NELL1: variants seen among roughly 807,000 people sequenced by gnomAD.
NELL1 encodes the protein protein kinase C-binding protein NELL1.
NELL1 carries 76 observed loss-of-function variants against 107.4 expected under a neutral mutation model. That is an observed-to-expected ratio of 0.71 (90% CI 0.59 to 0.86). NELL1 has a LOEUF of 0.86. NELL1 is among the 40% of genes least tolerant of loss of function. The pLI is 0.00. For synonymous variants in NELL1, 353 were observed against 341.2 expected (o/e 1.03, Z -0.38); for missense variants, 1,024 against 1,005.5 (o/e 1.02, Z -0.25).
chr11:21,273,571 C>T (rs1013612416), intron 14 of NELL1, among the ~76,000 whole-genome samples: 3 of 152,042 alleles, frequency 2.0e-5, no homozygotes, highest in Admixed American at 6.6e-5. Flanking sequence ...AGATGCTCCT[C>T]GAGAAGAGCA....
At chr11:20,689,424 A>C (rs1047990027) in intron 2 of NELL1, among the ~76,000 whole-genome samples, 38 of 128,034 alleles carry the variant, frequency 3.0e-4, no homozygotes, top group Admixed American at 2.9e-3. Flanking sequence ...TCCTAATGCT[A>C]TCCCTCCCCC....
intron 14 of NELL1, among the ~76,000 whole-genome samples, chr11:21,370,538 TACTC>T (rs1180518810): frequency 6.6e-6 from 1 of 152,088 alleles, no homozygotes; most frequent in East Asian, 1.9e-4. Context: ...CCTTCCTAGT[TACTC>T]AATTTATTCT....
At chr11:21,520,105 A>G (rs1449355203) in intron 15 of NELL1, among the ~76,000 whole-genome samples, 1 of 152,158 alleles carries the variant, frequency 6.6e-6, no homozygotes, top group East Asian at 1.9e-4. Context: ...CACGCTGTCA[A>G]AGTAGCATGA....
intron 14 of NELL1, among the ~76,000 whole-genome samples, chr11:21,346,787 A>C (rs1850692602): frequency 6.6e-6 from 1 of 151,912 alleles, no homozygotes; most frequent in Admixed American, 6.6e-5. Context: ...TGCCATGTTC[A>C]CTGCTAAAAT....
intron 15 of NELL1, among the ~76,000 whole-genome samples, chr11:21,439,022 C>T (rs1489828234): frequency 1.3e-5 from 2 of 151,674 alleles, no homozygotes; most frequent in African/African-American, 4.8e-5. Context: ...GTAATCCCAT[C>T]AGGTAAAGCT....
intron 15 of NELL1, among the ~76,000 whole-genome samples, chr11:21,497,457 C>T (rs1006212182): frequency 2.0e-5 from 3 of 151,960 alleles, no homozygotes; most frequent in Non-Finnish European, 4.4e-5. Flanking sequence ...CTCTTATGAT[C>T]CAGAACTTGA....
At position 21,385,162 on chromosome 11, in the gene NELL1, C is replaced by G. The variant is rs114583100; in HGVS notation, c.1645+14214C>G. Among the ~76,000 whole-genome samples the G allele has an allele frequency of 7.5e-3, 1,140 of 151,884 alleles. 16 individuals carry two copies. The highest frequency in any genetic ancestry group is 0.026 in the African/African-American group (1,076 of 41,474). The stretch of plus-strand genomic sequence containing the variant: ...ATTGTTCTTCGGAGCCTTTATCACT[C>G]TCTGACACAATAGTACTTTTCGTAT... On this transcript the variant is annotated intron_variant, in intron 15 of 19. Transcript: ENST00000357134.
chr11:21,516,486 CAG>C (rs1422594100), intron 15 of NELL1, among the ~76,000 whole-genome samples: 2 of 152,060 alleles, frequency 1.3e-5, no homozygotes, highest in East Asian at 1.9e-4. Flanking sequence ...GTGCAAACAT[CAG>C]AGAGTACACT....
chr11:21,310,101 A>G (rs902824685), intron 14 of NELL1, among the ~76,000 whole-genome samples: 4 of 152,146 alleles, frequency 2.6e-5, no homozygotes, highest in Non-Finnish European at 4.4e-5. Context: ...AAAGAACTAT[A>G]TGAGAAAACA....
chr11:21,381,318 C>T (rs1346442257), intron 15 of NELL1, among the ~76,000 whole-genome samples: 1 of 152,024 alleles, frequency 6.6e-6, no homozygotes, highest in East Asian at 1.9e-4. Context: ...AGAGCACAAT[C>T]TCTGAAGTCA....
At chr11:21,171,613 T>C (rs1269809919) in intron 13 of NELL1, among the ~76,000 whole-genome samples, 3 of 151,844 alleles carry the variant, frequency 2.0e-5, no homozygotes, top group Non-Finnish European at 4.4e-5. Flanking sequence ...ACTTTTGTCT[T>C]ATAATCTAAA....
Position 20,918,215 on chromosome 11 carries a change from C to A in NELL1, c.637C>A (p.Pro213Thr). The A allele has an allele frequency of 6.3e-7, 1 of 1,599,040 alleles. No homozygotes were observed. Among genetic ancestry groups the A allele is most frequent in the South Asian group, 1.1e-5 (1 of 90,666 alleles). ...CCAAGATGGGAAGATCATCTTTATG[C>A]CGAATGGATATATAACACAGTGTCC... ...IIQDGKIIFM[P>T]NGYITQCPNL... Residue 213 changes from proline (P) to threonine (T), a missense_variant, in exon 6 of 20, where the codon CCG becomes ACG. Transcript: ENST00000357134.
intron 14 of NELL1, among the ~76,000 whole-genome samples, chr11:21,315,338 C>T (rs1409730919): frequency 2.0e-5 from 3 of 152,182 alleles, no homozygotes; most frequent in East Asian, 3.9e-4. Context: ...CTCCTAGCTA[C>T]ATGATCTTGC....
chr11:20,702,705 A>C (rs1854827441), intron 2 of NELL1, among the ~76,000 whole-genome samples: 1 of 152,202 alleles, frequency 6.6e-6, no homozygotes, highest in South Asian at 2.1e-4. Flanking sequence ...ATTTATTGAG[A>C]GATTTTAGCA....
At chr11:21,254,166 A>T (rs1431658148) in intron 14 of NELL1, among the ~76,000 whole-genome samples, 1 of 139,126 alleles carries the variant, frequency 7.2e-6, no homozygotes, top group African/African-American at 2.7e-5. Context: ...CCTGAAAAAT[A>T]TAGGCTACTG....
intron 4 of NELL1, among the ~76,000 whole-genome samples, chr11:20,858,691 G>A (rs113504503): frequency 0.012 from 1,873 of 152,296 alleles, 34 homozygotes; most frequent in African/African-American, 0.041. Context: ...TCTCCAAGCC[G>A]CTGTTTGCAG....
intron 13 of NELL1, among the ~76,000 whole-genome samples, chr11:21,183,204 T>A (rs1032409816): frequency 6.6e-6 from 1 of 150,968 alleles, no homozygotes; most frequent in East Asian, 1.9e-4. Context: ...ATCTTATACG[T>A]TTTTTATGAA....
At position 20,669,654 on chromosome 11, in the gene NELL1, C is replaced by A; in HGVS notation, c.-70C>A. 1 of 1,389,086 alleles carries A rather than the reference C, an allele frequency of 7.2e-7. No homozygotes were observed. Among genetic ancestry groups the A allele is most frequent in the Non-Finnish European group, 1.0e-6 (1 of 979,712 alleles). The allele number at this position is 1,389,086 out of a possible 1,614,324, so 86.0% of individuals were successfully genotyped here. A position where few individuals can be genotyped will look rare whatever the true frequency, so the allele number is the denominator to read the frequency against. ...TTTGGCGGCTCCAAGCCAGGCGCGC[C>A]TCAGGATCCAGGCTCATTTGCTTCC... is the stretch of plus-strand genomic sequence containing the variant. On this transcript the variant is annotated 5_prime_UTR_variant, in exon 1 of 20. Transcript: ENST00000357134. This position sits in a 1 kb window ranked among gnomAD's most constrained non-coding sequence, Gnocchi z 4.4.
intron 14 of NELL1, among the ~76,000 whole-genome samples, chr11:21,369,040 A>C (rs939537935): frequency 6.6e-6 from 1 of 152,036 alleles, no homozygotes; most frequent in Non-Finnish European, 1.5e-5. Flanking sequence ...AATCAAACGC[A>C]TATACCTACG....
Sources: gnomAD v4.1 joint callset for allele counts (sites outside exome capture counted in the v4.1 genomes callset) on GRCh38, gnomAD v4.1.1 for gene constraint, Gnocchi (gnomAD v3.1) non-coding constraint, MANE v1.5 for transcripts, NCBI Gene and HGNC (gene_info 2026-07-23, HGNC 2026-07-21) for gene names.